Variants in CACNA1E observed in about 807,000 individuals in gnomAD.
CACNA1E encodes the protein voltage-dependent R-type calcium channel subunit alpha-1E.
CACNA1E carries 40 observed loss-of-function variants against 259.2 expected under a neutral mutation model. That is an observed-to-expected ratio of 0.15 (90% CI 0.12 to 0.20). CACNA1E has a LOEUF of 0.20. CACNA1E is among the 10% of genes least tolerant of loss of function. The probability of loss-of-function intolerance (pLI) is 1.00; values close to 1 mark genes in which losing one functional copy is unlikely to be tolerated. For missense variants in CACNA1E, 1,874 were observed against 3,040.1 expected, an observed-to-expected ratio of 0.62 and a Z score of 9.02; for synonymous variants, 1,104 against 1,138.5, an observed-to-expected ratio of 0.97 and a Z score of 0.61.
At chr1:181,625,341 T>C (rs1326297317) in intron 6 of CACNA1E, among the ~76,000 whole-genome samples, 5 of 152,206 alleles carry the variant, frequency 3.3e-5, no homozygotes, top group East Asian at 1.9e-4. Context: ...TTTTCTCGTC[T>C]CTAGTTATGA....
In CACNA1E at chr1:181,799,184, T is replaced by G; in HGVS notation, c.*350T>G. 1.1e-5 allele frequency: 2 copies of G among 185,010 alleles called. No homozygotes were observed. The highest frequency in any genetic ancestry group is 2.2e-5 in the Non-Finnish European group (2 of 89,676). The allele number at this position is 185,010 out of a possible 1,614,324, so 11.5% of individuals were successfully genotyped here. On this transcript the variant is annotated 3_prime_UTR_variant, in exon 48 of 48. Coordinates refer to ENST00000367573, the MANE Select transcript of CACNA1E (RefSeq NM_001205293.3). ...GCTGTGGAGGGATCTAGCTGGCCTA[T>G]GTCTACACTCAGTGCCCTGAGAAGC...
chr1:181,459,188 C>T (rs1326922028), intron 2 of CACNA1E, among the ~76,000 whole-genome samples: 2 of 152,216 alleles, frequency 1.3e-5, no homozygotes, highest in African/African-American at 4.8e-5. Flanking sequence ...GAAGAACATT[C>T]CTAGTACAGG....
chr1:181,791,110 T>G (rs1376025421), intron 44 of CACNA1E, among the ~76,000 whole-genome samples: 2 of 152,186 alleles, frequency 1.3e-5, no homozygotes, highest in Admixed American at 6.5e-5. Context: ...TTGGTCACAA[T>G]TCAAAGACAT....
chr1:181,605,026 A>G (rs1298057200), intron 6 of CACNA1E, among the ~76,000 whole-genome samples: 1 of 152,114 alleles, frequency 6.6e-6, no homozygotes, highest in Non-Finnish European at 1.5e-5. Flanking sequence ...CACGCTGTCT[A>G]GTTGATAGCT....
At chr1:181,726,536 T>C (rs1261265489) in intron 18 of CACNA1E, among the ~76,000 whole-genome samples, 1 of 151,694 alleles carries the variant, frequency 6.6e-6, no homozygotes, top group Non-Finnish European at 1.5e-5. Flanking sequence ...GAAGGAAGAG[T>C]GTTCCCCAGC....
intron 7 of CACNA1E, among the ~76,000 whole-genome samples, chr1:181,665,783 G>A (rs1007735712): frequency 4.6e-5 from 7 of 152,030 alleles, no homozygotes; most frequent in Non-Finnish European, 1.0e-4. Flanking sequence ...AATTTAAAAA[G>A]ATGGCTTTGC....
chr1:181,430,490 T>G (rs1659639284), intron 2 of CACNA1E, among the ~76,000 whole-genome samples: 1 of 152,180 alleles, frequency 6.6e-6, no homozygotes, highest in Non-Finnish European at 1.5e-5. Flanking sequence ...CGGGTTACTG[T>G]GGTTATGTTT....
At position 181,762,437 on chromosome 1, in the gene CACNA1E, A is replaced by T. The variant is rs1658663622; in HGVS notation, c.4606-137A>T. ...GGTTAGAAATGGGAAACTGAAGCCAAAGTAAGAGTGAACTTATGCATTAAT... is the reference window on the plus strand; with the variant it reads ...GGTTAGAAATGGGAAACTGAAGCCATAGTAAGAGTGAACTTATGCATTAAT... On this transcript the variant is annotated intron_variant, in intron 32 of 47. Coordinates refer to ENST00000367573, the MANE Select transcript of CACNA1E (RefSeq NM_001205293.3). 9 of 629,046 alleles carry T rather than the reference A, an allele frequency of 1.4e-5. No homozygotes were observed. The South Asian group carries it at 1.7e-4, about 12-fold the overall frequency. The allele number at this position is 629,046 out of a possible 1,614,324, so 39.0% of individuals were successfully genotyped here.
At chr1:181,376,518 C>T (rs1266904727) in intron 1 of CACNA1E, among the ~76,000 whole-genome samples, 1 of 152,214 alleles carries the variant, frequency 6.6e-6, no homozygotes. Flanking sequence ...CATAGAGGAC[C>T]TCATGCTGGG....
At chr1:181,710,279 A>G (rs193218571) in intron 7 of CACNA1E, among the ~76,000 whole-genome samples, 6 of 149,322 alleles carry the variant, frequency 4.0e-5, no homozygotes, top group Admixed American at 3.4e-4. Context: ...AACTGACATC[A>G]GTCACCTTCG....
intron 3 of CACNA1E, among the ~76,000 whole-genome samples, chr1:181,513,795 G>C (rs1312288652): frequency 6.6e-6 from 1 of 152,200 alleles, no homozygotes; most frequent in Non-Finnish European, 1.5e-5. Context: ...TGTCCAGGGG[G>C]TGTTCAAGAG....
chr1:181,370,031 T>G (rs1256859176), intron 1 of CACNA1E, among the ~76,000 whole-genome samples: 1 of 151,982 alleles, frequency 6.6e-6, no homozygotes, highest in African/African-American at 2.4e-5. Context: ...TTGTTTATTT[T>G]TTTTCACAGT....
intron 2 of CACNA1E, among the ~76,000 whole-genome samples, chr1:181,470,683 G>A (rs1662448197): frequency 6.6e-6 from 1 of 152,128 alleles, no homozygotes; most frequent in South Asian, 2.1e-4. Context: ...GCTATGTGGG[G>A]ATCTGTAGTT....
chr1:181,541,436 G>A (rs1407266547), intron 3 of CACNA1E, among the ~76,000 whole-genome samples: 1 of 151,818 alleles, frequency 6.6e-6, no homozygotes, highest in African/African-American at 2.4e-5. Context: ...CATTAGATAG[G>A]TAGACAATGA....
intron 2 of CACNA1E, among the ~76,000 whole-genome samples, chr1:181,422,216 C>T (rs964157935): frequency 2.6e-5 from 4 of 152,182 alleles, no homozygotes; most frequent in African/African-American, 9.7e-5. Flanking sequence ...AGTTGACCAC[C>T]AACCCCCACA....
chr1:181,453,252 C>T (rs1661269211), intron 2 of CACNA1E, among the ~76,000 whole-genome samples: 1 of 152,176 alleles, frequency 6.6e-6, no homozygotes, highest in South Asian at 2.1e-4. Flanking sequence ...AATTTTGTTT[C>T]CTAATCATAC....
chr1:181,555,110 A>G (rs1356328155), intron 3 of CACNA1E, among the ~76,000 whole-genome samples: 1 of 152,200 alleles, frequency 6.6e-6, no homozygotes, highest in Non-Finnish European at 1.5e-5. Flanking sequence ...GTTATTTAAA[A>G]TGGTTAAGTG....
intron 12 of CACNA1E, 24 bp downstream of exon 12, chr1:181,718,191 TGC>T (rs772813697): frequency 7.0e-5 from 85 of 1,217,096 alleles, no homozygotes; most frequent in Non-Finnish European, 1.0e-4. Flanking sequence ...AGCCTGCCTC[TGC>T]TCCTGCTTCG....
rs1472403208 is a variant in CACNA1E, at chr1:181,485,630, C to T, written c.266+1620C>T. On this transcript the variant is annotated intron_variant, in intron 1 of 47. Transcript: ENST00000367573. The surrounding 1 kb of genome is among the most constrained non-coding windows in gnomAD (Gnocchi z 4.2). The stretch of plus-strand genomic sequence containing the variant: ...TTTCGGGCGGGGGAGGGGTCGGGTC[C>T]CTGCAGTCACGCCTGCCGGTGCGCT... Among the ~76,000 whole-genome samples, 1 of 152,146 alleles carries T rather than the reference C, an allele frequency of 6.6e-6. No homozygotes were observed. The highest frequency in any genetic ancestry group is 1.5e-5 in the Non-Finnish European group (1 of 68,032).
Sources: gnomAD v4.1 joint callset for allele counts (sites outside exome capture counted in the v4.1 genomes callset) on GRCh38, gnomAD v4.1.1 for gene constraint, Gnocchi (gnomAD v3.1) non-coding constraint, MANE v1.5 for transcripts, NCBI Gene and HGNC (gene_info 2026-07-23, HGNC 2026-07-21) for gene names.